CHFR: variants seen among roughly 807,000 people sequenced by gnomAD.
The protein encoded by CHFR is E3 ubiquitin-protein ligase CHFR.
CHFR carries 57 observed loss-of-function variants against 87.6 expected under a neutral mutation model. The ratio of observed to expected loss-of-function variants is 0.65; its 90% CI spans 0.53 to 0.81. The LOEUF is 0.81. CHFR is among the 30% of genes least tolerant of loss of function. The pLI, the probability that CHFR is intolerant of heterozygous loss-of-function variation, is 0.00. For missense variants in CHFR, 797 were observed against 865.8 expected, an observed-to-expected ratio of 0.92 and a Z score of 1.00; for synonymous variants, 381 against 359.2, an observed-to-expected ratio of 1.06 and a Z score of -0.69.
chr12:132,851,794 G>C, intron 11 of CHFR, 57 bp from the exon 12 acceptor site: 1 of 1,560,176 alleles, frequency 6.4e-7, no homozygotes, highest in Non-Finnish European at 8.7e-7. Context: ...AAAGACAGCA[G>C]GTTAGAGAGG....
intron 2 of CHFR, among the ~76,000 whole-genome samples, chr12:132,880,519 G>A (rs886686531): frequency 1.1e-4 from 16 of 152,000 alleles, no homozygotes; most frequent in Non-Finnish European, 2.9e-5. Flanking sequence ...TTAGCTGGGC[G>A]TGATGGCGGG....
intron 2 of CHFR, among the ~76,000 whole-genome samples, chr12:132,885,417 T>C (rs1566209805): frequency 9.0e-6 from 1 of 111,658 alleles, no homozygotes. Flanking sequence ...TCTCAAAAAA[T>C]ATATAAATAA....
intron 15 of CHFR, among the ~76,000 whole-genome samples, chr12:132,845,560 T>C (rs554064164): frequency 2.0e-5 from 3 of 152,130 alleles, no homozygotes; most frequent in African/African-American, 7.2e-5. Context: ...TGAGGTGAGA[T>C]GATCTCTTGA....
At chr12:132,870,967 G>A (rs1951475129) in intron 4 of CHFR, among the ~76,000 whole-genome samples, 184 bp from the exon 5 acceptor site, 1 of 152,162 alleles carries the variant, frequency 6.6e-6, no homozygotes, top group African/African-American at 2.4e-5. Flanking sequence ...CAACACAAAA[G>A]AAATAAGCCT....
chr12:132,837,451 G>A lies in CHFR; in HGVS notation c.*4103C>T, dbSNP rs894162163. On this transcript the variant is annotated 3_prime_UTR_variant, in exon 18 of 18. Coordinates refer to ENST00000450056, the MANE Select transcript of CHFR (RefSeq NM_001161346.2). ...CCAACCAGGCCAACTGAGCTGAGTG[G>A]GTAAGGCTGGAAGGGGTGCCATCCC... 6.5e-6 allele frequency: 1 copy of A among 153,194 alleles called. No individual in the cohort carries two copies. Among genetic ancestry groups the A allele is most frequent in the Non-Finnish European group, 1.5e-5 (1 of 68,752 alleles). The allele number at this position is 153,194 out of a possible 1,614,324, so 9.5% of individuals were successfully genotyped here.
intron 10 of CHFR, chr12:132,853,783 T>A: frequency 1.8e-6 from 1 of 554,916 alleles, no homozygotes; most frequent in Non-Finnish European, 3.0e-6. Flanking sequence ...CCACTCTGCA[T>A]CCCCAGCTCA....
rs1456086661 is a variant in CHFR, at chr12:132,838,898, C to G, written c.*2656G>C. The G allele has an allele frequency of 2.0e-5, 3 of 152,570 alleles. No individual in the cohort carries two copies. The highest frequency in any genetic ancestry group is 4.4e-5 in the Non-Finnish European group (3 of 68,224). The allele number at this position is 152,570 out of a possible 1,614,324, so 9.5% of individuals were successfully genotyped here. A position where few individuals can be genotyped will look rare whatever the true frequency, so the allele number is the denominator to read the frequency against. Reference sequence around the variant, plus strand: ...TCCCTGCCTCCATAAAACACGGCTCCTTACCACGCTGGGAGGATAACTGCC... The same window carrying G: ...TCCCTGCCTCCATAAAACACGGCTCGTTACCACGCTGGGAGGATAACTGCC... On this transcript the variant is annotated 3_prime_UTR_variant, in exon 18 of 18. Coordinates refer to ENST00000450056, the MANE Select transcript of CHFR (RefSeq NM_001161346.2).
chr12:132,851,645 G>A lies in CHFR; in HGVS notation c.1465C>T (p.Gln489Ter). 1 of 1,612,742 alleles carries A rather than the reference G, an allele frequency of 6.2e-7. No individual in the cohort carries two copies. Residue 489 changes from glutamine to a stop codon, truncating the protein, a stop_gained, in exon 12 of 18, where the codon CAG (glutamine) becomes TAG (stop). Coordinates refer to ENST00000450056, the MANE Select transcript of CHFR (RefSeq NM_001161346.2). LOFTEE classifies it high-confidence loss of function. ...TGCTGAGGGGCGACACGCGGGTCCTGCTCGCGCTCCGCTCTCCGGTCGGGC... is the reference window on the plus strand; with the variant it reads ...TGCTGAGGGGCGACACGCGGGTCCTACTCGCGCTCCGCTCTCCGGTCGGGC... ...PMPDRRAERE[Q>*]DPRVAPQQCA... is the part of the protein sequence containing the mutation.
chr12:132,869,863 C>A lies in CHFR; in HGVS notation c.404-65G>T, dbSNP rs1481455538. ...TAACCCAAAAGGAGCAGAAGCAGCA[C>A]ACAACCAGGGCTCAAGCAGACACTC... On this transcript the variant is annotated intron_variant, in intron 5 of 17. Transcript: ENST00000450056. 5.2e-6 allele frequency: 8 copies of A among 1,526,020 alleles called. No homozygotes were observed. The Admixed American group carries it at 5.9e-5, about 11-fold the overall frequency. The allele number at this position is 1,526,020 out of a possible 1,614,324, so 94.5% of individuals were successfully genotyped here. A position where few individuals can be genotyped will look rare whatever the true frequency, so the allele number is the denominator to read the frequency against.
chr12:132,887,510 C>T (rs1951930245), intron 1 of CHFR, 37 bp downstream of exon 1: 1 of 217,094 alleles, frequency 4.6e-6, no homozygotes, highest in Admixed American at 6.6e-5. Flanking sequence ...GGTCCCCCTT[C>T]GCCGCCCGCC....
At chr12:132,887,386 G>A (rs1443040596) in intron 1 of CHFR, 46 bp from the exon 2 acceptor site, 49 of 1,230,664 alleles carry the variant, frequency 4.0e-5, no homozygotes, top group Non-Finnish European at 4.8e-5. Context: ...GACCCCAGAG[G>A]CCGAGACTCG....
In CHFR at chr12:132,859,437, G is replaced by A. The variant is rs184378969; in HGVS notation, c.752-210C>T. On this transcript the variant is annotated intron_variant, in intron 7 of 17. Transcript: ENST00000450056. ...GCGATCTCGGCTCACTGCAAGCTCCGCCTCCCGGGTTCATGCCATTCTCCT... is the reference window on the plus strand; with the variant it reads ...GCGATCTCGGCTCACTGCAAGCTCCACCTCCCGGGTTCATGCCATTCTCCT... Among the ~76,000 whole-genome samples the A allele has an allele frequency of 7.0e-4, 106 of 151,934 alleles. 1 individual carries two copies. Among genetic ancestry groups the A allele is most frequent in the African/African-American group, 2.5e-3 (104 of 41,434 alleles).
intron 6 of CHFR, among the ~76,000 whole-genome samples, chr12:132,863,536 C>G (rs926634957): frequency 5.3e-5 from 8 of 150,564 alleles, no homozygotes; most frequent in African/African-American, 1.7e-4. Flanking sequence ...AACAAACAAA[C>G]AAAAAAAAAC....
At position 132,856,533 on chromosome 12, in the gene CHFR, A is replaced by C; in HGVS notation, c.1164T>G (p.Asp388Glu). The part of the protein sequence containing the change: ...LQPKVRRSFS[D>E]EEGSSEDLLE... Reference sequence around the variant, plus strand: ...GCAGGTCCTCTGAACTCCCTTCTTCATCAGAAAAAGACCGCCTGACTTTGG... The same window carrying C: ...GCAGGTCCTCTGAACTCCCTTCTTCCTCAGAAAAAGACCGCCTGACTTTGG... Residue 388 changes from aspartate (D) to glutamate (E), a missense_variant, in exon 10 of 18, where the codon GAT (aspartate) becomes GAG (glutamate). Asp to Glu is a conservative substitution (Grantham distance 45, BLOSUM62 2). Around this residue, in one of 2 missense-constraint regions of CHFR, gnomAD observed 597 missense variants for 601.2 expected, o/e 0.99. Transcript: ENST00000450056. 6.2e-7 allele frequency: 1 copy of C among 1,614,216 alleles called. No homozygotes were observed. The highest frequency in any genetic ancestry group is 8.5e-7 in the Non-Finnish European group (1 of 1,180,022).
chr12:132,844,001 C>T (rs918233420), intron 16 of CHFR, 26 bp downstream of exon 16: 5 of 1,441,126 alleles, frequency 3.5e-6, no homozygotes, highest in African/African-American at 2.8e-5. Flanking sequence ...AGAACTAGAG[C>T]CATGAGGAAG....
At position 132,841,523 on chromosome 12, in the gene CHFR, G is replaced by A. The variant is rs756135373; in HGVS notation, c.*31C>T. 1.7e-5 allele frequency: 27 copies of A among 1,588,586 alleles called. No homozygotes were observed. Among genetic ancestry groups the A allele is most frequent in the Non-Finnish European group, 2.3e-5 (27 of 1,156,788 alleles). ...TAAAAACACGCTCTCTTCACCTCCA[G>A]TGCTGAAAGCTGCTCAGGGCCTCTG... On this transcript the variant is annotated 3_prime_UTR_variant, in exon 18 of 18. Transcript: ENST00000450056.
chr12:132,886,884 C>T (rs1193009117), intron 2 of CHFR, among the ~76,000 whole-genome samples: 1 of 152,154 alleles, frequency 6.6e-6, no homozygotes, highest in African/African-American at 2.4e-5. Context: ...TTCCACTTTT[C>T]CTTCTATTAT....
rs1042479727 is a variant in CHFR at position 132,832,939 on chromosome 12, C to T, written c.*8615G>A. ...CCACCCAGCCCGACAACCACTCAGT[C>T]ACCTTCTGTCTTTATGAATGTGCCT... On this transcript the variant is annotated 3_prime_UTR_variant, in exon 18 of 18. Coordinates refer to ENST00000450056, the MANE Select transcript of CHFR (RefSeq NM_001161346.2). The T allele has an allele frequency of 1.3e-5, 2 of 152,242 alleles. No homozygotes were observed. The highest frequency in any genetic ancestry group is 2.9e-5 in the Non-Finnish European group (2 of 68,046). 9.4% of individuals were successfully genotyped at this position (152,242 alleles called of 1,614,324 possible).
At chr12:132,870,354 A>C (rs1382223913) in intron 5 of CHFR, among the ~76,000 whole-genome samples, 9 of 145,022 alleles carry the variant, frequency 6.2e-5, no homozygotes, top group Non-Finnish European at 9.0e-5. Flanking sequence ...TCCATCTCAA[A>C]AAACAAACAA....
Sources: allele counts gnomAD v4.1 joint callset (sites outside exome capture counted in the v4.1 genomes callset), GRCh38; gene constraint gnomAD v4.1.1; regional missense constraint gnomAD v4.1.1; transcripts MANE v1.5; gene names NCBI Gene and HGNC (gene_info 2026-07-23, HGNC 2026-07-21).